The following ADCY10 variants were observed in gnomAD, a reference collection of about 807,000 sequenced individuals.
ADCY10 encodes adenylate cyclase type 10.
ADCY10 carries 156 observed loss-of-function variants against 183.3 expected under a neutral mutation model. The ratio of observed to expected loss-of-function variants is 0.85; its 90% CI spans 0.75 to 0.97. The LOEUF (loss-of-function observed/expected upper bound fraction) is 0.97. Among genes scored for constraint, ADCY10 ranks in the 50% least tolerant of loss-of-function variants. The pLI, the probability that ADCY10 is intolerant of heterozygous loss-of-function variation, is 0.00. For synonymous variants in ADCY10, 645 were observed against 670.0 expected, an observed-to-expected ratio of 0.96 and a Z score of 0.58; for missense variants, 1,745 against 1,934.3, an observed-to-expected ratio of 0.90 and a Z score of 1.84.
chr1:167,860,641 A>C (rs1666220967), intron 15 of ADCY10, among the ~76,000 whole-genome samples: 1 of 152,222 alleles, frequency 6.6e-6, no homozygotes, highest in Admixed American at 6.5e-5. Context: ...AGGTAAGAAA[A>C]AAATTAGTCA....
At chr1:167,905,895 C>T (rs1669777216) in intron 1 of ADCY10, among the ~76,000 whole-genome samples, 1 of 152,144 alleles carries the variant, frequency 6.6e-6, no homozygotes. Flanking sequence ...AGATTAAATG[C>T]TCATGCCTAA....
rs2269674 is a variant in ADCY10, at chr1:167,823,379, C to T, written c.4053-256G>A. Among the ~76,000 whole-genome samples, 88,794 of 146,182 alleles carry T rather than the reference C, an allele frequency of 0.61. 27,316 individuals carry two copies. The highest frequency in any genetic ancestry group is 0.69 in the African/African-American group (26,882 of 39,168). ...GGCGGAGGTTGTGGTGAGCCAATAACGCACCACTGCACTCCAGCCTGGGCA... is the reference window on the plus strand; with the variant it reads ...GGCGGAGGTTGTGGTGAGCCAATAATGCACCACTGCACTCCAGCCTGGGCA... On this transcript the variant is annotated intron_variant, in intron 28 of 32. Coordinates refer to ENST00000367851, the MANE Select transcript of ADCY10 (RefSeq NM_018417.6).
chr1:167,873,693 A>G (rs553358554), intron 13 of ADCY10, among the ~76,000 whole-genome samples: 21 of 152,340 alleles, frequency 1.4e-4, no homozygotes, highest in Middle Eastern at 3.4e-3. Flanking sequence ...TCACAAAAAT[A>G]TCAATTCCAA....
In ADCY10 at chr1:167,856,254, G is replaced by A. The variant is rs1346951729; in HGVS notation, c.2082C>T (p.Tyr694=). The A allele has an allele frequency of 6.2e-7, 1 of 1,613,962 alleles. No individual in the cohort carries two copies. Among genetic ancestry groups the A allele is most frequent in the African/African-American group, 1.3e-5 (1 of 75,048 alleles). The change falls in exon 17 of 33, where the codon TAC becomes TAT. Residue 694 remains tyrosine (Y), a synonymous_variant. Coordinates refer to ENST00000367851, the MANE Select transcript of ADCY10 (RefSeq NM_018417.6). ...TAGGCTGTACTGCACCAATGACAATGTAGGTGGTGTTCCTGTTCTTTATTA... is the reference window on the plus strand; with the variant it reads ...TAGGCTGTACTGCACCAATGACAATATAGGTGGTGTTCCTGTTCTTTATTA... ...RAVIKNRNTT[Y]IVIGAVQPND...
intron 13 of ADCY10, among the ~76,000 whole-genome samples, chr1:167,874,697 A>C (rs921275221): frequency 1.3e-5 from 2 of 152,252 alleles, no homozygotes; most frequent in Admixed American, 1.3e-4. Flanking sequence ...CATAAGAACC[A>C]AAAACTGGAA....
intron 10 of ADCY10, 75 bp downstream of exon 10, chr1:167,880,416 G>A: frequency 8.8e-7 from 1 of 1,140,250 alleles, no homozygotes; most frequent in East Asian, 2.3e-5. Flanking sequence ...TTTCTTTCCT[G>A]TTCCCTGCAT....
intron 7 of ADCY10, among the ~76,000 whole-genome samples, chr1:167,895,055 C>T (rs954825552): frequency 7.3e-5 from 11 of 151,718 alleles, no homozygotes; most frequent in African/African-American, 2.2e-4. Flanking sequence ...GGTGGCACGC[C>T]TCTGTATTCC....
Position 167,883,615 on chromosome 1 carries a change from T to C in ADCY10, c.842A>G (p.Gln281Arg). 6.2e-7 allele frequency: 1 copy of C among 1,614,244 alleles called. No individual in the cohort carries two copies. The highest frequency in any genetic ancestry group is 8.5e-7 in the Non-Finnish European group (1 of 1,180,054). ...ESILKQIDNK[Q>R]LQGYLSELRP... ...AAGCTCAGATAAATAGCCCTGAAGC[T>C]GTTTGTTATCAATCTGCAAAGTAGA... The change falls in exon 9 of 33, where the codon CAG becomes CGG. Residue 281 changes from glutamine to arginine, a missense_variant. Coordinates refer to ENST00000367851, the MANE Select transcript of ADCY10 (RefSeq NM_018417.6).
At chr1:167,829,082 T>G (rs1284762635) in intron 26 of ADCY10, among the ~76,000 whole-genome samples, 185 bp downstream of exon 26, 1 of 152,216 alleles carries the variant, frequency 6.6e-6, no homozygotes, top group African/African-American at 2.4e-5. Flanking sequence ...TTCAATAATT[T>G]TTAAGAGTGT....
chr1:167,893,116 GGGTGGA>G (rs1270015525), intron 8 of ADCY10, among the ~76,000 whole-genome samples: 1 of 152,174 alleles, frequency 6.6e-6, no homozygotes, highest in Non-Finnish European at 1.5e-5. Flanking sequence ...AAATATTGGA[GGGTGGA>G]GGTAGCTCAG....
chr1:167,875,914 C>T (rs960212435), intron 12 of ADCY10, among the ~76,000 whole-genome samples: 3 of 151,482 alleles, frequency 2.0e-5, no homozygotes, highest in Non-Finnish European at 4.4e-5. Context: ...GATCGCACCA[C>T]TGCACTCCAG....
At chr1:167,849,494 G>A (rs1352935480) in intron 18 of ADCY10, among the ~76,000 whole-genome samples, 1 of 152,210 alleles carries the variant, frequency 6.6e-6, no homozygotes, top group Admixed American at 6.5e-5. Flanking sequence ...CCAGGCAGTA[G>A]ATGAGTGCCA....
intron 8 of ADCY10, among the ~76,000 whole-genome samples, chr1:167,891,482 C>G (rs1395113900): frequency 6.6e-6 from 1 of 151,564 alleles, no homozygotes; most frequent in Non-Finnish European, 1.5e-5. Context: ...CGGTGAAACC[C>G]TGTCTCTACT....
chr1:167,896,632 C>T lies in ADCY10; in HGVS notation c.702G>A (p.Thr234=), dbSNP rs777802940. ...FNFDEFFTKC[T]TFMHYYPSGE... ...CAGAAGGATAATAATGCATGAAGGTCGTACACTTTGTGAAAAATTCATCAA... is the reference window on the plus strand; with the variant it reads ...CAGAAGGATAATAATGCATGAAGGTTGTACACTTTGTGAAAAATTCATCAA... The change falls in exon 7 of 33, where the codon ACG becomes ACA. Residue 234 remains threonine (T), a synonymous_variant. Coordinates refer to ENST00000367851, the MANE Select transcript of ADCY10 (RefSeq NM_018417.6). 9.3e-6 allele frequency: 15 copies of T among 1,613,532 alleles called. No homozygotes were observed. Among genetic ancestry groups the T allele is most frequent in the Admixed American group, 5.0e-5 (3 of 59,962 alleles).
At chr1:167,870,122 A>G in intron 14 of ADCY10, 135 bp downstream of exon 14, 2 of 969,330 alleles carry the variant, frequency 2.1e-6, no homozygotes, top group Non-Finnish European at 3.2e-6. Context: ...TTATCTATTT[A>G]GCACAAGGGT....
chr1:167,883,674 T>C (rs578082002), intron 8 of ADCY10, 46 bp from the exon 9 acceptor site: 2 of 1,594,340 alleles, frequency 1.3e-6, no homozygotes, highest in African/African-American at 2.7e-5. Flanking sequence ...TGGCAGTGGA[T>C]CCCTCCCCCA....
At chr1:167,909,958 AG>A (rs1303301237) in intron 1 of ADCY10, among the ~76,000 whole-genome samples, 1 of 114,512 alleles carries the variant, frequency 8.7e-6, no homozygotes, top group Non-Finnish European at 1.7e-5. Flanking sequence ...TGAGGTTAAA[AG>A]ATTAACCCCC....
intron 12 of ADCY10, among the ~76,000 whole-genome samples, chr1:167,877,420 T>G (rs1270723812): frequency 1.3e-5 from 2 of 151,800 alleles, no homozygotes; most frequent in Non-Finnish European, 2.9e-5. Context: ...TAAAGACACC[T>G]TGACCCAACT....
chr1:167,836,190 G>A (rs1664175656), intron 23 of ADCY10, 119 bp downstream of exon 23: 1 of 732,794 alleles, frequency 1.4e-6, no homozygotes, highest in Admixed American at 2.0e-5. Context: ...TCAGTGGAAA[G>A]GGGTGCTGTC....
Sources: gnomAD v4.1 joint callset for allele counts (sites outside exome capture counted in the v4.1 genomes callset) on GRCh38, gnomAD v4.1.1 for gene constraint, MANE v1.5 for transcripts, NCBI Gene and HGNC (gene_info 2026-07-23, HGNC 2026-07-21) for gene names.